The following AP2A2 variants were observed in gnomAD, a reference collection of about 807,000 sequenced individuals.
AP2A2 encodes the protein AP-2 complex subunit alpha-2.
A neutral mutation model predicts 104.2 loss-of-function variants in AP2A2; 32 were observed. The observed-to-expected ratio is 0.31, with a 90% CI of 0.23 to 0.41. AP2A2 has a LOEUF of 0.41. AP2A2 is among the 10% of genes least tolerant of loss of function. The pLI, the probability that AP2A2 is intolerant of heterozygous loss-of-function variation, is 1.00. For synonymous variants in AP2A2, 539 were observed against 533.3 expected, an observed-to-expected ratio of 1.01 and a Z score of -0.15; for missense variants, 912 against 1,261.0, an observed-to-expected ratio of 0.72 and a Z score of 4.19.
chr11:1,009,632 G>A (rs1308645892), intron 20 of AP2A2, 51 bp from the exon 21 acceptor site: 4 of 1,464,402 alleles, frequency 2.7e-6, no homozygotes, highest in East Asian at 2.5e-5. Context: ...CGGGGGACAC[G>A]CTGCCCGCGA....
chr11:998,326 C>T (rs1338648384), intron 14 of AP2A2, among the ~76,000 whole-genome samples: 2 of 149,370 alleles, frequency 1.3e-5, no homozygotes, highest in Admixed American at 6.7e-5. Flanking sequence ...GACTCTCACC[C>T]GCCCCCATTC....
At chr11:949,776 A>G (rs963900216) in intron 1 of AP2A2, among the ~76,000 whole-genome samples, 1 of 100,072 alleles carries the variant, frequency 1.0e-5, no homozygotes, top group African/African-American at 3.7e-5. Flanking sequence ...CTCTGTCTCA[A>G]AAAAGAAAAA....
intron 21 of AP2A2, 193 bp from the exon 22 acceptor site, chr11:1,010,355 G>A (rs1187271291): frequency 1.5e-5 from 9 of 596,200 alleles, no homozygotes; most frequent in Non-Finnish European, 2.4e-5. Flanking sequence ...CGTACGAGAC[G>A]CCAGGCGCTC....
intron 10 of AP2A2, among the ~76,000 whole-genome samples, chr11:991,985 G>A (rs1045838252): frequency 1.3e-5 from 2 of 152,136 alleles, no homozygotes; most frequent in African/African-American, 2.4e-5. Context: ...CCTCCGGGGG[G>A]CACCCGTGAG....
chr11:988,627 C>G lies in AP2A2; in HGVS notation c.1207C>G (p.Gln403Glu). ...YAMCDRSNAP[Q>E]IVAEMLSYLE... ...CATGTGCGACCGCAGCAACGCCCCACAGATCGTGGCCGAGATGCTGAGCTA... is the reference window on the plus strand; with the variant it reads ...CATGTGCGACCGCAGCAACGCCCCAGAGATCGTGGCCGAGATGCTGAGCTA... Residue 403 changes from glutamine to glutamate, a missense_variant, in exon 10 of 22, where the codon CAG (glutamine) becomes GAG (glutamate). Around this residue, in one of 7 missense-constraint regions of AP2A2, gnomAD observed 350 missense variants for 487.0 expected, o/e 0.72. Transcript: ENST00000448903. The G allele has an allele frequency of 6.2e-7, 1 of 1,613,690 alleles. No individual in the cohort carries two copies. Among genetic ancestry groups the G allele is most frequent in the Non-Finnish European group, 8.5e-7 (1 of 1,179,886 alleles).
At position 939,631 on chromosome 11, in the gene AP2A2, G is replaced by A. The variant is rs940528522; in HGVS notation, c.67+13543G>A. On this transcript the variant is annotated intron_variant, in intron 1 of 21. Coordinates refer to ENST00000448903, the MANE Select transcript of AP2A2 (RefSeq NM_012305.4). The stretch of plus-strand genomic sequence containing the variant: ...GCTAATTTTTTGTATTTTTATTAGA[G>A]ACGGAGTTTCACCATGTTGACCAGG... Among the ~76,000 whole-genome samples the A allele has an allele frequency of 4.6e-5, 7 of 152,128 alleles. No individual in the cohort carries two copies. In the South Asian group the frequency reaches 1.5e-3, roughly 32 times the overall value.
chr11:988,826 C>CCT (rs747605211), intron 10 of AP2A2, 137 bp downstream of exon 10: 36 of 1,162,970 alleles, frequency 3.1e-5, no homozygotes, highest in Non-Finnish European at 4.0e-5. Context: ...GGCTCCTCTG[C>CCT]CTCTGTGTTT....
intron 9 of AP2A2, among the ~76,000 whole-genome samples, chr11:988,204 T>C (rs1480329292): frequency 2.0e-5 from 3 of 152,214 alleles, no homozygotes; most frequent in Non-Finnish European, 4.4e-5. Context: ...GGTCTTTGGC[T>C]GCATGGAAGG....
At chr11:987,918 G>C (rs1855517819) in intron 9 of AP2A2, among the ~76,000 whole-genome samples, 1 of 152,248 alleles carries the variant, frequency 6.6e-6, no homozygotes, top group African/African-American at 2.4e-5. Flanking sequence ...GATATTCCGG[G>C]TGGTGTGCAA....
chr11:988,912 C>A, intron 10 of AP2A2: 1 of 591,578 alleles, frequency 1.7e-6, no homozygotes, highest in African/African-American at 1.9e-5. Flanking sequence ...GGAGGATCAC[C>A]TGAGGCCAGG....
chr11:1,008,514 G>C (rs570673708), intron 18 of AP2A2: 2 of 232,878 alleles, frequency 8.6e-6, no homozygotes, highest in East Asian at 1.0e-4. Flanking sequence ...GGCCTGGGGG[G>C]CGCGTTTTTT....
intron 16 of AP2A2, among the ~76,000 whole-genome samples, chr11:1,006,082 C>T (rs899954983): frequency 6.6e-6 from 1 of 152,208 alleles, no homozygotes; most frequent in Non-Finnish European, 1.5e-5. Context: ...AGGAGGCAGC[C>T]GGGGCCGGTG....
intron 14 of AP2A2, among the ~76,000 whole-genome samples, chr11:997,530 C>T (rs956519426): frequency 1.3e-5 from 2 of 152,186 alleles, no homozygotes; most frequent in Non-Finnish European, 2.9e-5. Flanking sequence ...CATCTGGCCT[C>T]GCTGTTACAA....
intron 21 of AP2A2, 80 bp downstream of exon 21, chr11:1,009,897 C>T: frequency 6.8e-7 from 1 of 1,465,770 alleles, no homozygotes. Context: ...ATGTGTAGCT[C>T]TTTAGTGCAG....
chr11:962,746 T>C (rs965938777), intron 2 of AP2A2, among the ~76,000 whole-genome samples: 2 of 150,566 alleles, frequency 1.3e-5, no homozygotes, highest in African/African-American at 4.9e-5. Flanking sequence ...AAAAAAAAAA[T>C]TTTGTTTTAT....
chr11:987,228 C>G (rs1169809770), intron 9 of AP2A2, among the ~76,000 whole-genome samples: 2 of 152,262 alleles, frequency 1.3e-5, no homozygotes, highest in Non-Finnish European at 2.9e-5. Context: ...CCCCGTGTGC[C>G]ATCCTGCGCG....
At chr11:1,000,993 C>T (rs1404000986) in intron 15 of AP2A2, among the ~76,000 whole-genome samples, 2 of 152,242 alleles carry the variant, frequency 1.3e-5, no homozygotes, top group Non-Finnish European at 2.9e-5. Flanking sequence ...TTCATTCTGA[C>T]TTAAGCCGTC....
In AP2A2 at chr11:925,954, C is replaced by T. The variant is rs1036364440; in HGVS notation, c.-68C>T. On this transcript the variant is annotated 5_prime_UTR_variant, in exon 1 of 22. Coordinates refer to ENST00000448903, the MANE Select transcript of AP2A2 (RefSeq NM_012305.4). ...CGCGGCGGTGACGGCGACCGCACTC[C>T]CCGCTTCCCGCTCCCCGCGCTCCTC... The T allele has an allele frequency of 4.4e-5, 55 of 1,259,340 alleles. No homozygotes were observed. The South Asian group carries it at 5.8e-4, about 13-fold the overall frequency. The allele number at this position is 1,259,340 out of a possible 1,614,324, so 78.0% of individuals were successfully genotyped here. A position where few individuals can be genotyped will look rare whatever the true frequency, so the allele number is the denominator to read the frequency against.
At chr11:984,826 T>G (rs1855396353) in intron 7 of AP2A2, 73 bp downstream of exon 7, 2 of 1,290,324 alleles carry the variant, frequency 1.5e-6, no homozygotes, top group Non-Finnish European at 2.2e-6. Flanking sequence ...TTAAGTGGTT[T>G]GTTTGTTATT....
Sources: gnomAD v4.1 joint callset for allele counts (sites outside exome capture counted in the v4.1 genomes callset) on GRCh38, gnomAD v4.1.1 for gene constraint, gnomAD v4.1.1 regional missense constraint, MANE v1.5 for transcripts, NCBI Gene and HGNC (gene_info 2026-07-23, HGNC 2026-07-21) for gene names.